Variants in PAM observed in about 807,000 individuals in gnomAD.
The protein encoded by PAM is peptidylglycine alpha-amidating monooxygenase.
A neutral mutation model predicts 122.1 loss-of-function variants in PAM; 72 were observed. The observed-to-expected ratio is 0.59, with a 90% CI of 0.49 to 0.72. The LOEUF is 0.72. Among genes scored for constraint, PAM ranks in the 30% least tolerant of loss-of-function variants. The pLI, the probability that PAM is intolerant of heterozygous loss-of-function variation, is 0.00. For missense variants in PAM, 1,106 were observed against 1,183.7 expected (o/e 0.93, Z 0.96); for synonymous variants, 389 against 404.4 (o/e 0.96, Z 0.46).
chr5:102,915,880 T>G (rs1248720883), intron 5 of PAM, among the ~76,000 whole-genome samples: 1 of 152,158 alleles, frequency 6.6e-6, no homozygotes, highest in Non-Finnish European at 1.5e-5. Context: ...CTTTAAAATA[T>G]TTATTAGTAT....
chr5:102,780,989 T>C (rs921095823), intron 1 of PAM, among the ~76,000 whole-genome samples: 1 of 151,886 alleles, frequency 6.6e-6, no homozygotes, highest in African/African-American at 2.4e-5. Context: ...CCTCAAGTTG[T>C]GATAACCAAA....
intron 1 of PAM, among the ~76,000 whole-genome samples, chr5:102,832,424 T>A (rs539843807): frequency 6.6e-6 from 1 of 152,196 alleles, no homozygotes; most frequent in South Asian, 2.1e-4. Flanking sequence ...GACACCCCAC[T>A]AGATTCCTGG....
intron 1 of PAM, among the ~76,000 whole-genome samples, chr5:102,840,091 A>G (rs1778188248): frequency 6.6e-6 from 1 of 152,170 alleles, no homozygotes; most frequent in Non-Finnish European, 1.5e-5. Context: ...TAATATGCTT[A>G]TGTATTACAT....
At chr5:102,853,527 A>T (rs1051574130) in intron 1 of PAM, among the ~76,000 whole-genome samples, 1 of 152,270 alleles carries the variant, frequency 6.6e-6, no homozygotes. Flanking sequence ...TTTATATTTT[A>T]TCCATTGATA....
intron 1 of PAM, among the ~76,000 whole-genome samples, chr5:102,762,717 C>A (rs1197085920): frequency 6.6e-6 from 1 of 152,030 alleles, no homozygotes; most frequent in Non-Finnish European, 1.5e-5. Context: ...CCCGTGATAC[C>A]CTGTAGTGCT....
chr5:102,758,016 T>G (rs1750988519), intron 1 of PAM, among the ~76,000 whole-genome samples: 1 of 126,208 alleles, frequency 7.9e-6, no homozygotes, highest in Non-Finnish European at 1.6e-5. Context: ...CACTCCAACT[T>G]GGGCCACAGA....
chr5:102,977,820 T>C (rs1768241163), intron 15 of PAM, among the ~76,000 whole-genome samples: 1 of 152,166 alleles, frequency 6.6e-6, no homozygotes, highest in South Asian at 2.1e-4. Flanking sequence ...CTGGTGGCTT[T>C]GAATTCCAGC....
At chr5:102,940,245 T>C (rs1192854667) in intron 7 of PAM, among the ~76,000 whole-genome samples, 2 of 151,692 alleles carry the variant, frequency 1.3e-5, no homozygotes, top group Non-Finnish European at 2.9e-5. Context: ...AGCTTTATAT[T>C]TTAAATTGTG....
intron 24 of PAM, among the ~76,000 whole-genome samples, chr5:103,026,512 A>G (rs1784981709): frequency 6.6e-6 from 1 of 152,214 alleles, no homozygotes; most frequent in Non-Finnish European, 1.5e-5. Context: ...ACTCTTCCCA[A>G]AAAGGATTTC....
At chr5:102,998,702 T>G (rs2150943116) in intron 16 of PAM, among the ~76,000 whole-genome samples, 1 of 152,310 alleles carries the variant, frequency 6.6e-6, no homozygotes, top group South Asian at 2.1e-4. Context: ...TTTTTATTTC[T>G]TACAACTGAA....
At chr5:102,780,754 T>C (rs1030430405) in intron 1 of PAM, among the ~76,000 whole-genome samples, 2 of 14,510 alleles carry the variant, frequency 1.4e-4, no homozygotes, top group Admixed American at 8.0e-4. Context: ...TCTTTCTTTC[T>C]CTTTCTTTCT....
intron 1 of PAM, among the ~76,000 whole-genome samples, chr5:102,863,174 T>A (rs1784638968): frequency 6.9e-6 from 1 of 145,086 alleles, no homozygotes; most frequent in African/African-American, 2.9e-5. Context: ...TATGGATATG[T>A]AAACAGAACA....
intron 3 of PAM, among the ~76,000 whole-genome samples, chr5:102,900,257 G>GC (rs1350760484): frequency 4.7e-5 from 6 of 126,504 alleles, no homozygotes; most frequent in Non-Finnish European, 8.1e-5. Flanking sequence ...GTGTGTGTGG[G>GC]GGGGGGGCGG....
At chr5:102,827,054 CAGTT>C (rs1201089577) in intron 1 of PAM, among the ~76,000 whole-genome samples, 2 of 152,042 alleles carry the variant, frequency 1.3e-5, no homozygotes, top group Non-Finnish European at 2.9e-5. Flanking sequence ...CCTTCTGAAC[CAGTT>C]AGTTTGTTTG....
At chr5:102,995,977 T>G (rs1221423031) in intron 16 of PAM, among the ~76,000 whole-genome samples, 1 of 152,020 alleles carries the variant, frequency 6.6e-6, no homozygotes, top group East Asian at 1.9e-4. Flanking sequence ...CTTCTTAATT[T>G]ATATAATTAT....
intron 6 of PAM, among the ~76,000 whole-genome samples, chr5:102,926,188 G>A (rs1432649651): frequency 1.3e-5 from 2 of 151,954 alleles, no homozygotes; most frequent in East Asian, 1.9e-4. Context: ...TCCGCTTCCC[G>A]GGTTCACGCC....
In PAM at chr5:102,913,814, CAAG is replaced by C. The variant is rs910497835; in HGVS notation, c.269-117_269-115del. On this transcript the variant is annotated intron_variant, in intron 4 of 25. Transcript: ENST00000438793. The stretch of plus-strand genomic sequence containing the variant: ...TTTATACAGACAGGGCATTTGATCA[CAAG>C]AACATCAAAACATCTTTGTTATACA... The C allele has an allele frequency of 3.0e-5, 19 of 625,454 alleles. No individual in the cohort carries two copies. In the African/African-American group the frequency reaches 3.3e-4, roughly 11 times the overall value. The allele number at this position is 625,454 out of a possible 1,614,324, so 38.7% of individuals were successfully genotyped here.
chr5:102,893,807 C>G (rs1408947173), intron 3 of PAM, among the ~76,000 whole-genome samples: 1 of 151,750 alleles, frequency 6.6e-6, no homozygotes, highest in Non-Finnish European at 1.5e-5. Context: ...GTGGCATATT[C>G]TTGCTGGAGT....
At chr5:102,776,119 G>C (rs761648775) in intron 1 of PAM, among the ~76,000 whole-genome samples, 2 of 151,982 alleles carry the variant, frequency 1.3e-5, no homozygotes, top group African/African-American at 2.4e-5. Flanking sequence ...TCATATGTTT[G>C]TTGGCCACAT....
Sources: gnomAD v4.1 joint callset for allele counts (sites outside exome capture counted in the v4.1 genomes callset) on GRCh38, gnomAD v4.1.1 for gene constraint, MANE v1.5 for transcripts, NCBI Gene and HGNC (gene_info 2026-07-23, HGNC 2026-07-21) for gene names.